The following USP10 variants were observed in gnomAD, a reference collection of about 807,000 sequenced individuals.
USP10 encodes ubiquitin specific peptidase 10.
Under a neutral mutation model 84.5 loss-of-function variants are expected in USP10, and 22 were observed. The ratio of observed to expected loss-of-function variants is 0.26; its 90% CI spans 0.19 to 0.37. USP10 has a LOEUF of 0.37. Among genes scored for constraint, USP10 ranks in the 10% least tolerant of loss-of-function variants. The pLI, the probability that USP10 is intolerant of heterozygous loss-of-function variation, is 1.00. For synonymous variants in USP10, 454 were observed against 387.6 expected, an observed-to-expected ratio of 1.17 and a Z score of -2.01; for missense variants, 1,019 against 998.9, an observed-to-expected ratio of 1.02 and a Z score of -0.27.
chr16:84,720,914 G>A (rs1038377345), intron 1 of USP10, among the ~76,000 whole-genome samples: 1 of 147,222 alleles, frequency 6.8e-6, no homozygotes, highest in Non-Finnish European at 1.5e-5. Flanking sequence ...TTTTTTTTGG[G>A]AAGGAGTCTC....
chr16:84,759,679 T>A (rs3764332), intron 6 of USP10, among the ~76,000 whole-genome samples: 16,764 of 152,208 alleles, frequency 0.11, 982 homozygotes, highest in East Asian at 0.22. Flanking sequence ...TTAGATTCAG[T>A]AGAAAATATT....
chr16:84,771,372 G>C (rs948341747), intron 11 of USP10, among the ~76,000 whole-genome samples: 1 of 152,062 alleles, frequency 6.6e-6, no homozygotes, highest in Non-Finnish European at 1.5e-5. Context: ...GCTCATGGCT[G>C]TAGTCCCAGC....
intron 4 of USP10, among the ~76,000 whole-genome samples, chr16:84,752,523 T>G (rs562396594): frequency 1.3e-4 from 20 of 152,334 alleles, no homozygotes; most frequent in African/African-American, 4.8e-4. Context: ...GACTTTAGGC[T>G]AGGAATAACA....
intron 1 of USP10, among the ~76,000 whole-genome samples, chr16:84,717,446 C>G (rs1002987174): frequency 6.6e-6 from 1 of 152,166 alleles, no homozygotes; most frequent in South Asian, 2.1e-4. Flanking sequence ...GACCCCAGTT[C>G]TTTGAAGGCA....
chr16:84,712,300 C>T (rs1296086123), intron 1 of USP10, among the ~76,000 whole-genome samples: 1 of 152,184 alleles, frequency 6.6e-6, no homozygotes, highest in African/African-American at 2.4e-5. Flanking sequence ...ATGGCTCTGC[C>T]TGGGGAGACT....
intron 1 of USP10, among the ~76,000 whole-genome samples, chr16:84,732,091 G>A (rs1037884153): frequency 2.0e-5 from 3 of 152,096 alleles, no homozygotes; most frequent in African/African-American, 7.2e-5. Context: ...TTATAGTTTT[G>A]GTAGATGTTG....
At chr16:84,735,219 G>GTTTT (rs1909765318) in intron 2 of USP10, among the ~76,000 whole-genome samples, 1 of 63,312 alleles carries the variant, frequency 1.6e-5, no homozygotes, top group African/African-American at 6.9e-5. Context: ...GTGTGTGTGT[G>GTTTT]TGTGTGTGTG....
intron 1 of USP10, among the ~76,000 whole-genome samples, chr16:84,710,269 GAAA>G (rs570292528): frequency 4.0e-5 from 5 of 125,564 alleles, no homozygotes; most frequent in Admixed American, 8.2e-5. Context: ...CTCCATCTCG[GAAA>G]AAAAAAAAAA....
chr16:84,779,215 A>G lies in USP10; in HGVS notation c.*133A>G, dbSNP rs1915330394. ...TTTGCAAAAATGGGCTAGAATGAAA[A>G]GGAGATGCCTTGGGGTTCGTGCACA... On this transcript the variant is annotated 3_prime_UTR_variant, in exon 14 of 14. Transcript: ENST00000219473. 1.0e-5 allele frequency: 11 copies of G among 1,064,110 alleles called. No homozygotes were observed. Among genetic ancestry groups the G allele is most frequent in the Non-Finnish European group, 1.5e-5 (11 of 752,196 alleles). The allele number at this position is 1,064,110 out of a possible 1,614,324, so 65.9% of individuals were successfully genotyped here. A position where few individuals can be genotyped will look rare whatever the true frequency, so the allele number is the denominator to read the frequency against.
At chr16:84,735,445 C>A (rs547328605) in intron 2 of USP10, among the ~76,000 whole-genome samples, 4 of 152,086 alleles carry the variant, frequency 2.6e-5, no homozygotes, top group Non-Finnish European at 5.9e-5. Context: ...GGCCTGGGGT[C>A]GCTTCAGTTC....
rs752635266 is a variant in USP10, at chr16:84,746,977, T to TAAA, written c.1192+1307_1192+1309dup. Among the ~76,000 whole-genome samples the TAAA allele has an allele frequency of 6.6e-5, 10 of 152,304 alleles. 1 individual carries two copies. Among genetic ancestry groups the TAAA allele is most frequent in the Admixed American group, 5.2e-4 (8 of 15,304 alleles). The stretch of plus-strand genomic sequence containing the variant: ...AAAATTGTTTTTAACTTTTTAAACT[T>TAAA]AAAAAGTAAGACACAAACATTAGCC... On this transcript the variant is annotated intron_variant, in intron 4 of 13. Transcript: ENST00000219473.
intron 1 of USP10, among the ~76,000 whole-genome samples, chr16:84,717,377 A>G (rs931645870): frequency 2.6e-5 from 4 of 152,216 alleles, no homozygotes; most frequent in Non-Finnish European, 5.9e-5. Context: ...AAATGCCTTT[A>G]ACATTGTCTA....
In USP10 at chr16:84,740,385, C is replaced by T. The variant is rs555167946; in HGVS notation, c.151+16C>T. 1.5e-5 allele frequency: 24 copies of T among 1,609,066 alleles called. No individual in the cohort carries two copies. The Admixed American group carries it at 2.9e-4, about 19-fold the overall frequency. ...CTACCTGATGGTAAGCTAGTTCTCT[C>T]CTTATTTCCCTGAAGGGAATTTGGC... is the stretch of plus-strand genomic sequence containing the variant. On this transcript the variant is annotated intron_variant, in intron 3 of 13. Coordinates refer to ENST00000219473, the MANE Select transcript of USP10 (RefSeq NM_005153.3).
chr16:84,733,982 C>T (rs1909573055), intron 2 of USP10, among the ~76,000 whole-genome samples: 1 of 152,168 alleles, frequency 6.6e-6, no homozygotes, highest in South Asian at 2.1e-4. Flanking sequence ...ATTTCCAGTG[C>T]TCAGTACCAC....
chr16:84,749,989 G>C (rs538332784), intron 4 of USP10, among the ~76,000 whole-genome samples: 1 of 152,240 alleles, frequency 6.6e-6, no homozygotes, highest in Admixed American at 6.5e-5. Context: ...ATTTCCTTTA[G>C]CCCCAAGGGA....
intron 2 of USP10, among the ~76,000 whole-genome samples, chr16:84,736,228 A>G (rs114977231): frequency 3.3e-4 from 50 of 152,336 alleles, no homozygotes; most frequent in African/African-American, 1.2e-3. Flanking sequence ...CGAATTTTTC[A>G]TATGCTTTTT....
chr16:84,704,913 C>T (rs1010304904), intron 1 of USP10: 22 of 1,535,262 alleles, frequency 1.4e-5, no homozygotes, highest in South Asian at 4.8e-5. Context: ...CTGAATTCCT[C>T]GACTTTCCCT....
At chr16:84,753,249 T>G (rs7186789) in intron 4 of USP10, among the ~76,000 whole-genome samples, 24,309 of 152,200 alleles carry the variant, frequency 0.16, 2,000 homozygotes, top group Admixed American at 0.2. Context: ...CCCAAAGTGT[T>G]GCCTGAAATA....
intron 6 of USP10, 94 bp from the exon 7 acceptor site, chr16:84,759,797 G>T: frequency 1.6e-6 from 2 of 1,270,458 alleles, no homozygotes; most frequent in Non-Finnish European, 2.3e-6. Context: ...TACTATACTC[G>T]TATAGCTGAT....
Sources: gnomAD v4.1 joint callset for allele counts (sites outside exome capture counted in the v4.1 genomes callset) on GRCh38, gnomAD v4.1.1 for gene constraint, MANE v1.5 for transcripts, NCBI Gene and HGNC (gene_info 2026-07-23, HGNC 2026-07-21) for gene names.